Variants in CNTLN observed in about 807,000 individuals in gnomAD.
The protein encoded by CNTLN is centlein, centrosomal protein.
CNTLN carries 212 observed loss-of-function variants against 180.0 expected under a neutral mutation model. The observed-to-expected ratio is 1.18, with a 90% CI of 1.05 to 1.32. The LOEUF is 1.32. Ranked by LOEUF, CNTLN falls within the 40% of genes most tolerant of loss-of-function variation. CNTLN has a pLI of 0.00. For missense variants in CNTLN, 2,095 were observed against 1,610.9 expected (o/e 1.30, Z -5.14); for synonymous variants, 722 against 563.1 (o/e 1.28, Z -3.99).
At chr9:17,324,041 CTT>C (rs1395289719) in intron 8 of CNTLN, among the ~76,000 whole-genome samples, 1 of 152,112 alleles carries the variant, frequency 6.6e-6, no homozygotes, top group Non-Finnish European at 1.5e-5. Context: ...GAAAACCACA[CTT>C]TAGTGAATTC....
downstream of CNTLN, among the ~76,000 whole-genome samples, chr9:17,505,300 A>G (rs1008377799): frequency 2.6e-5 from 4 of 152,128 alleles, no homozygotes; most frequent in Non-Finnish European, 4.4e-5. Context: ...CTCTCTCTCA[A>G]CATAACGTGG....
At chr9:17,248,444 G>A (rs1825933328) in intron 5 of CNTLN, among the ~76,000 whole-genome samples, 1 of 151,334 alleles carries the variant, frequency 6.6e-6, no homozygotes, top group Non-Finnish European at 1.5e-5. Context: ...TCTTGAGTCA[G>A]TTTAGGTAAT....
chr9:17,150,956 T>C (rs150458879), intron 2 of CNTLN, among the ~76,000 whole-genome samples: 3,032 of 152,256 alleles, frequency 0.02, 67 homozygotes, highest in African/African-American at 0.053. Flanking sequence ...TTGTCTGTTA[T>C]TGGTGTATAG....
chr9:17,141,154 G>C lies in CNTLN; in HGVS notation c.361-2134G>C, dbSNP rs1402527461. On this transcript the variant is annotated intron_variant, in intron 1 of 25. Transcript: ENST00000380647. ...ATAACCCATAAGGCAAGGGAGGTTG[G>C]TCTGTTACTTGGGCAGAATTGTTTC... 2.6e-5 allele frequency among the ~76,000 whole-genome samples: 4 copies of C among 152,288 alleles called. No individual in the cohort carries two copies. In the East Asian group the frequency reaches 7.7e-4, roughly 29 times the overall value.
chr9:17,295,062 G>T (rs548091784), intron 6 of CNTLN, among the ~76,000 whole-genome samples: 16 of 152,022 alleles, frequency 1.1e-4, no homozygotes, highest in African/African-American at 3.1e-4. Flanking sequence ...CACTGTCCGC[G>T]GCTGCTGGCC....
At chr9:17,327,274 C>A (rs191536499) in intron 8 of CNTLN, among the ~76,000 whole-genome samples, 1,825 of 113,718 alleles carry the variant, frequency 0.016, 19 homozygotes, top group South Asian at 0.057. Context: ...GGCAGTGGCG[C>A]AATCTTGGGT....
intron 8 of CNTLN, among the ~76,000 whole-genome samples, chr9:17,322,344 G>A (rs1338172756): frequency 6.6e-6 from 1 of 151,628 alleles, no homozygotes; most frequent in Admixed American, 6.6e-5. Context: ...TTTTCTAAAG[G>A]CCATTGTGTA....
At chr9:17,427,126 G>T (rs562427692) in intron 18 of CNTLN, among the ~76,000 whole-genome samples, 2 of 152,168 alleles carry the variant, frequency 1.3e-5, no homozygotes, top group South Asian at 4.2e-4. Context: ...CGAGCCCAAG[G>T]TCAAAGTTTC....
At position 17,289,259 on chromosome 9, in the gene CNTLN, C is replaced by A. The variant is rs750297485; in HGVS notation, c.984-8931C>A. 1.2e-4 allele frequency among the ~76,000 whole-genome samples: 12 copies of A among 99,726 alleles called. 1 individual carries two copies. The Admixed American group carries it at 1.2e-3, about 10-fold the overall frequency. The allele number at this position is 99,726 out of a possible 152,430, so 65.4% of individuals were successfully genotyped here. A position where few individuals can be genotyped will look rare whatever the true frequency, so the allele number is the denominator to read the frequency against. ...TCTGTGAAGTATTTTATTTCTCCTT[C>A]ACTTATGAAGCTTAGTTTGGCTGGA... On this transcript the variant is annotated intron_variant, in intron 6 of 25. Coordinates refer to ENST00000380647, the MANE Select transcript of CNTLN (RefSeq NM_017738.4).
intron 2 of CNTLN, among the ~76,000 whole-genome samples, chr9:17,218,718 G>A (rs1480307820): frequency 6.6e-6 from 1 of 152,080 alleles, no homozygotes; most frequent in Non-Finnish European, 1.5e-5. Context: ...TGTTATTTAT[G>A]TCTGTAAATC....
Position 17,464,534 on chromosome 9 carries a change from C to T in CNTLN, c.3442C>T (p.His1148Tyr). ...GGAGAGGGATATAACTATGAAAAGACATTTGATAGAGGACTTGAAATTTCG... is the reference window on the plus strand; with the variant it reads ...GGAGAGGGATATAACTATGAAAAGATATTTGATAGAGGACTTGAAATTTCG... ...RMERDITMKR[H>Y]LIEDLKFRQK... is the part of the protein sequence containing the mutation. The change falls in exon 21 of 26, where the codon CAT becomes TAT. Residue 1148 changes from histidine to tyrosine, a missense_variant. Transcript: ENST00000380647. The T allele has an allele frequency of 2.0e-6, 3 of 1,518,084 alleles. No individual in the cohort carries two copies. The highest frequency in any genetic ancestry group is 1.8e-6 in the Non-Finnish European group (2 of 1,140,578). 94.0% of individuals were successfully genotyped at this position (1,518,084 alleles called of 1,614,324 possible).
At chr9:17,415,096 A>T (rs564943800) in intron 16 of CNTLN, among the ~76,000 whole-genome samples, 3 of 152,240 alleles carry the variant, frequency 2.0e-5, no homozygotes, top group Admixed American at 6.5e-5. Context: ...AAAAGAAAAA[A>T]AAAAAAATCT....
chr9:17,366,108 G>C (rs1319057331), intron 12 of CNTLN, among the ~76,000 whole-genome samples: 1 of 151,990 alleles, frequency 6.6e-6, no homozygotes, highest in Non-Finnish European at 1.5e-5. Context: ...GTAGTTTTTT[G>C]GATTTGGGCA....
chr9:17,149,104 G>A (rs1428390517), intron 2 of CNTLN, among the ~76,000 whole-genome samples: 1 of 152,142 alleles, frequency 6.6e-6, no homozygotes, highest in Non-Finnish European at 1.5e-5. Context: ...TGCTGGGAAT[G>A]ATGGTTTCCA....
At chr9:17,472,032 A>G (rs2441995) in intron 23 of CNTLN, among the ~76,000 whole-genome samples, 12,026 of 152,148 alleles carry the variant, frequency 0.079, 480 homozygotes, top group Middle Eastern at 0.11. Flanking sequence ...TACACTTTGG[A>G]TGGGAAAATG....
chr9:17,201,165 C>T (rs1268246760), intron 2 of CNTLN, among the ~76,000 whole-genome samples: 1 of 152,182 alleles, frequency 6.6e-6, no homozygotes, highest in African/African-American at 2.4e-5. Context: ...ACCAGCCTTG[C>T]ATCCTATGGA....
At chr9:17,262,464 C>T (rs1827066952) in intron 5 of CNTLN, among the ~76,000 whole-genome samples, 1 of 151,408 alleles carries the variant, frequency 6.6e-6, no homozygotes, top group South Asian at 2.1e-4. Context: ...CCTCAGCAAA[C>T]TAACACAGGA....
rs71331485 is a variant in CNTLN, at chr9:17,338,125, T to TTTCCTTCC, written c.1645-2686_1645-2679dup. Reference sequence around the variant, plus strand: ...GTCTGTTAATTTCCCTCCCTCCTTCTTTCCTTCCTTCCTTCCTTCCTTCTT... The same window carrying TTTCCTTCC: ...GTCTGTTAATTTCCCTCCCTCCTTCTTTCCTTCCTTCCTTCCTTCCTTCCTTCCTTCTT... On this transcript the variant is annotated intron_variant, in intron 10 of 25. Coordinates refer to ENST00000380647, the MANE Select transcript of CNTLN (RefSeq NM_017738.4). Among the ~76,000 whole-genome samples, 591 of 148,256 alleles carry TTTCCTTCC rather than the reference T, an allele frequency of 4.0e-3. 8 individuals are homozygous for TTTCCTTCC. Among genetic ancestry groups the TTTCCTTCC allele is most frequent in the African/African-American group, 0.01 (420 of 40,282 alleles).
the CNTLN span, among the ~76,000 whole-genome samples, chr9:17,522,680 C>A: frequency 5.9e-5 from 9 of 152,182 alleles, no homozygotes; most frequent in Admixed American, 5.9e-4. Flanking sequence ...CTCCAAGGTA[C>A]AAGGATATTC....
Sources: gnomAD v4.1 joint callset for allele counts (sites outside exome capture counted in the v4.1 genomes callset) on GRCh38, gnomAD v4.1.1 for gene constraint, MANE v1.5 for transcripts, NCBI Gene and HGNC (gene_info 2026-07-23, HGNC 2026-07-21) for gene names.